The following DNAJC3 variants were observed in gnomAD, a reference collection of about 807,000 sequenced individuals.
The protein encoded by DNAJC3 is DnaJ heat shock protein family (Hsp40) member C3, also known as dnaJ homolog subfamily C member 3.
A neutral mutation model predicts 68.6 loss-of-function variants in DNAJC3; 38 were observed. That is an observed-to-expected ratio of 0.55 (90% confidence interval 0.43 to 0.73). DNAJC3 has a LOEUF of 0.73. DNAJC3 is among the 30% of genes least tolerant of loss of function. DNAJC3 has a pLI of 0.00. For synonymous variants in DNAJC3, 203 were observed against 204.0 expected (o/e 1.00, Z 0.04); for missense variants, 526 against 591.9 (o/e 0.89, Z 1.16).
intron 1 of DNAJC3, among the ~76,000 whole-genome samples, chr13:95,679,696 T>A (rs2139594003): frequency 6.6e-6 from 1 of 152,330 alleles, no homozygotes; most frequent in South Asian, 2.1e-4. Context: ...CAAAAAGTAA[T>A]TATGTGAGAT....
At chr13:95,754,910 T>G (rs1020252088) in intron 4 of DNAJC3, among the ~76,000 whole-genome samples, 1 of 152,110 alleles carries the variant, frequency 6.6e-6, no homozygotes, top group African/African-American at 2.4e-5. Flanking sequence ...TTACGGGTTA[T>G]TTTTCCAGAA....
At chr13:95,766,920 T>G (rs1594016905) in intron 9 of DNAJC3, among the ~76,000 whole-genome samples, 1 of 152,136 alleles carries the variant, frequency 6.6e-6, no homozygotes, top group East Asian at 1.9e-4. Flanking sequence ...CAGGCTGGTC[T>G]TGAACTCCTG....
intron 4 of DNAJC3, among the ~76,000 whole-genome samples, chr13:95,735,962 G>A (rs1352697312): frequency 1.3e-5 from 2 of 152,232 alleles, no homozygotes; most frequent in African/African-American, 2.4e-5. Flanking sequence ...TAGGTCTAAC[G>A]TTTAAGTCTT....
intron 9 of DNAJC3, among the ~76,000 whole-genome samples, chr13:95,783,140 T>TA (rs1353262052): frequency 5.3e-5 from 8 of 152,198 alleles, no homozygotes; most frequent in African/African-American, 1.2e-4. Context: ...GATGCTCTCT[T>TA]AGAGTGTGGA....
chr13:95,723,072 A>G (rs904130735), intron 2 of DNAJC3, among the ~76,000 whole-genome samples, 170 bp from the exon 3 acceptor site: 13 of 151,806 alleles, frequency 8.6e-5, no homozygotes, highest in South Asian at 4.2e-4. Flanking sequence ...TTCTAGGTCT[A>G]TTTGCACTGA....
chr13:95,706,945 C>T (rs1470678163), intron 1 of DNAJC3, among the ~76,000 whole-genome samples: 2 of 152,080 alleles, frequency 1.3e-5, no homozygotes, highest in Non-Finnish European at 2.9e-5. Context: ...TGGATCTGAG[C>T]TGGTTATTTT....
intron 4 of DNAJC3, among the ~76,000 whole-genome samples, chr13:95,751,586 A>G (rs1048330140): frequency 2.0e-5 from 3 of 152,238 alleles, no homozygotes; most frequent in Non-Finnish European, 4.4e-5. Context: ...TTACTCCAGA[A>G]AGCTTGGAGG....
At chr13:95,749,803 A>G (rs1263317733) in intron 4 of DNAJC3, among the ~76,000 whole-genome samples, 1 of 152,126 alleles carries the variant, frequency 6.6e-6, no homozygotes, top group African/African-American at 2.4e-5. Flanking sequence ...TAATCCCAGC[A>G]CTTTGTGAGG....
In DNAJC3 at chr13:95,677,633, G is replaced by T. The variant is rs1020421709; in HGVS notation, c.82+296G>T. 7.9e-5 allele frequency among the ~76,000 whole-genome samples: 12 copies of T among 152,378 alleles called. No homozygotes were observed. The South Asian group carries it at 1.7e-3, about 21-fold the overall frequency. ...CCGGGCTACGACTTCAGGAAGTCCTGGGACGCGGAGACTTGGGCAGCCTTT... is the reference window on the plus strand; with the variant it reads ...CCGGGCTACGACTTCAGGAAGTCCTTGGACGCGGAGACTTGGGCAGCCTTT... On this transcript the variant is annotated intron_variant, in intron 1 of 11. Coordinates refer to ENST00000602402, the MANE Select transcript of DNAJC3 (RefSeq NM_006260.5).
At chr13:95,712,587 G>A (rs1881007327) in intron 2 of DNAJC3, among the ~76,000 whole-genome samples, 1 of 151,996 alleles carries the variant, frequency 6.6e-6, no homozygotes, top group Admixed American at 6.6e-5. Flanking sequence ...ATGTTTGCCA[G>A]GCTGGTCTTG....
intron 3 of DNAJC3, among the ~76,000 whole-genome samples, chr13:95,724,264 T>C (rs1881433389): frequency 1.3e-5 from 2 of 152,146 alleles, no homozygotes; most frequent in Non-Finnish European, 2.9e-5. Flanking sequence ...TTTTATTGTA[T>C]TGATGAATTT....
chr13:95,765,821 C>T (rs1312313043), intron 9 of DNAJC3, among the ~76,000 whole-genome samples: 1 of 152,006 alleles, frequency 6.6e-6, no homozygotes, highest in African/African-American at 2.4e-5. Context: ...ATCTGCCTGC[C>T]TTGGCCTCCC....
At chr13:95,739,745 C>A (rs1476645111) in intron 4 of DNAJC3, among the ~76,000 whole-genome samples, 1 of 151,890 alleles carries the variant, frequency 6.6e-6, no homozygotes, top group African/African-American at 2.4e-5. Flanking sequence ...AACCTCTTTG[C>A]CTTTGGTTTG....
At chr13:95,716,353 C>CG (rs1260492008) in intron 2 of DNAJC3, among the ~76,000 whole-genome samples, 4 of 152,116 alleles carry the variant, frequency 2.6e-5, no homozygotes, top group African/African-American at 9.7e-5. Context: ...TTTTGGGCTC[C>CG]GGCCCCACGG....
At chr13:95,740,735 C>G (rs1403303636) in intron 4 of DNAJC3, among the ~76,000 whole-genome samples, 1 of 152,056 alleles carries the variant, frequency 6.6e-6, no homozygotes, top group Non-Finnish European at 1.5e-5. Flanking sequence ...GAGATGAACC[C>G]GGTACCTCAG....
intron 1 of DNAJC3, among the ~76,000 whole-genome samples, chr13:95,698,730 G>T (rs538821693): frequency 2.0e-5 from 3 of 152,190 alleles, no homozygotes; most frequent in Admixed American, 2.0e-4. Flanking sequence ...TTCTCTGGTG[G>T]GCAAGTGTGG....
chr13:95,769,031 A>ATATCTATATCTAT (rs1555328547), intron 9 of DNAJC3, among the ~76,000 whole-genome samples: 3 of 105,284 alleles, frequency 2.8e-5, no homozygotes, highest in Non-Finnish European at 2.0e-5. Flanking sequence ...ATCTATATCT[A>ATATCTATATCTAT]ATCTATATCT....
At chr13:95,748,494 A>G (rs2139664755) in intron 4 of DNAJC3, among the ~76,000 whole-genome samples, 1 of 152,282 alleles carries the variant, frequency 6.6e-6, no homozygotes, top group South Asian at 2.1e-4. Context: ...GGATCATTAT[A>G]TTGTTTCAGG....
chr13:95,777,422 A>C (rs914727449), intron 9 of DNAJC3, among the ~76,000 whole-genome samples: 2 of 152,074 alleles, frequency 1.3e-5, no homozygotes, highest in African/African-American at 4.8e-5. Flanking sequence ...ACATTTTCTT[A>C]ATCTGTTTTG....
Sources: gnomAD v4.1 joint callset for allele counts (sites outside exome capture counted in the v4.1 genomes callset) on GRCh38, gnomAD v4.1.1 for gene constraint, MANE v1.5 for transcripts, NCBI Gene and HGNC (gene_info 2026-07-23, HGNC 2026-07-21) for gene names.